The following HPS4 variants were observed in gnomAD, a reference collection of about 807,000 sequenced individuals.
HPS4 encodes HPS4 biogenesis of lysosomal organelles complex 3 subunit 2.
In HPS4, 44 loss-of-function variants were observed where a neutral mutation model predicts 70.3. That is an observed-to-expected ratio of 0.63 (90% CI 0.49 to 0.80). The LOEUF (loss-of-function observed/expected upper bound fraction) is 0.80, where lower values mean the gene tolerates loss of function less well. HPS4 is among the 30% of genes least tolerant of loss of function. The probability of loss-of-function intolerance (pLI) is 0.00; values close to 1 mark genes in which losing one functional copy is unlikely to be tolerated. For synonymous variants in HPS4, 377 were observed against 355.9 expected (o/e 1.06, Z -0.67); for missense variants, 873 against 884.4 (o/e 0.99, Z 0.16).
At chr22:26,455,858 T>A (rs1449436854) in intron 13 of HPS4, among the ~76,000 whole-genome samples, 1 of 151,984 alleles carries the variant, frequency 6.6e-6, no homozygotes, top group Non-Finnish European at 1.5e-5. Context: ...CTAAGGAAGG[T>A]GACATACTGC....
In HPS4 at chr22:26,465,517, A is replaced by C. The variant is rs35126034; in HGVS notation, c.741T>G (p.Pro247=). 6.2e-7 allele frequency: 1 copy of C among 1,614,144 alleles called. No individual in the cohort carries two copies. The highest frequency in any genetic ancestry group is 8.5e-7 in the Non-Finnish European group (1 of 1,179,978). Reference sequence around the variant, plus strand: ...TGGCTTCCTCTTTGGTCACAAAAACAGGGATAATCTGGACATTCGGGGGCA... The same window carrying C: ...TGGCTTCCTCTTTGGTCACAAAAACCGGGATAATCTGGACATTCGGGGGCA... ...AALPPNVQII[P]VFVTKEEAIS... is the part of the protein sequence containing the mutation. The change falls in exon 10 of 14, where the codon CCT becomes CCG. Residue 247 remains proline, a synonymous_variant. Transcript: ENST00000398145.
Position 26,465,781 on chromosome 22 carries a change from T to C in HPS4, c.707-230A>G, listed in dbSNP as rs559169361. 139 of 586,546 alleles carry C rather than the reference T, an allele frequency of 2.4e-4. 1 individual carries two copies. In the Middle Eastern group the frequency reaches 2.7e-3, roughly 11 times the overall value. The allele number at this position is 586,546 out of a possible 1,614,324, so 36.3% of individuals were successfully genotyped here. A position where few individuals can be genotyped will look rare whatever the true frequency, so the allele number is the denominator to read the frequency against. ...GACTCCCAGCTTTGGAGAAGGAAGA[T>C]GTTCGGGAGAGAAAGGTTGAAAAGC... On this transcript the variant is annotated intron_variant, in intron 9 of 13. Coordinates refer to ENST00000398145, the MANE Select transcript of HPS4 (RefSeq NM_022081.6).
chr22:26,463,829 TC>T, intron 11 of HPS4, 87 bp downstream of exon 11: 1 of 1,383,454 alleles, frequency 7.2e-7, no homozygotes. Context: ...CTTTATCTCT[TC>T]CCTGGGTGTT....
chr22:26,458,663 A>C, intron 11 of HPS4, 86 bp from the exon 12 acceptor site: 7 of 1,535,554 alleles, frequency 4.6e-6, no homozygotes, highest in Non-Finnish European at 6.2e-6. Context: ...TTAGTTAAAA[A>C]AAAAATCCTC....
chr22:26,443,661 T>C (rs1601709837), downstream of HPS4: 1 of 149,354 alleles, frequency 6.7e-6, no homozygotes, highest in African/African-American at 2.5e-5. Context: ...ACCAGAGAGC[T>C]AGAGAACTTG....
chr22:26,481,562 G>A lies in HPS4; in HGVS notation c.41+160C>T, dbSNP rs1449104015. Among the ~76,000 whole-genome samples the A allele has an allele frequency of 2.6e-5, 4 of 152,234 alleles. No individual in the cohort carries two copies. The East Asian group carries it at 7.7e-4, about 29-fold the overall frequency. ...GGTTAAAACATGTTAGCTTTGGAGA[G>A]CGATGGCTCACGTGCTTGATTCAGC... On this transcript the variant is annotated intron_variant, in intron 2 of 13. Coordinates refer to ENST00000398145, the MANE Select transcript of HPS4 (RefSeq NM_022081.6).
In HPS4 at chr22:26,482,115, A is replaced by G. The variant is rs550575971; in HGVS notation, c.-353T>C. On this transcript the variant is annotated 5_prime_UTR_variant, in exon 2 of 14. Transcript: ENST00000398145. ...CTTCAAGCTCCTCTCCAGGAAAGCC[A>G]AAAGTGGGAGATGCATGCTAGAGCT... The G allele has an allele frequency of 6.2e-6, 2 of 324,820 alleles. No homozygotes were observed. The highest frequency in any genetic ancestry group is 1.6e-4 in the East Asian group (2 of 12,814). 20.1% of individuals were successfully genotyped at this position (324,820 alleles called of 1,614,324 possible). A position where few individuals can be genotyped will look rare whatever the true frequency, so the allele number is the denominator to read the frequency against.
intron 1 of HPS4, among the ~76,000 whole-genome samples, chr22:26,483,269 C>T (rs1162959961): frequency 6.6e-6 from 1 of 152,186 alleles, no homozygotes; most frequent in African/African-American, 2.4e-5. Flanking sequence ...CCCTACACTA[C>T]CGAGGTCCTC....
chr22:26,479,151 A>C (rs1569128463), intron 3 of HPS4, 114 bp downstream of exon 3: 1 of 993,514 alleles, frequency 1.0e-6, no homozygotes, highest in South Asian at 1.4e-5. Context: ...AGACAGTAGA[A>C]ATGTCATTGT....
intron 11 of HPS4, among the ~76,000 whole-genome samples, chr22:26,460,497 T>G (rs1015666816): frequency 6.6e-6 from 1 of 152,246 alleles, no homozygotes; most frequent in African/African-American, 2.4e-5. Context: ...ATCCCTTCCA[T>G]GCTGAGCTGG....
chr22:26,445,289 G>C (rs948636571), intron 3 of HPS4, among the ~76,000 whole-genome samples: 2 of 152,096 alleles, frequency 1.3e-5, no homozygotes, highest in African/African-American at 2.4e-5. Flanking sequence ...AGCCTAGGTC[G>C]CGCCAGTGCA....
chr22:26,478,649 G>C (rs1248568689), intron 3 of HPS4, among the ~76,000 whole-genome samples: 2 of 150,760 alleles, frequency 1.3e-5, no homozygotes, highest in Non-Finnish European at 2.9e-5. Context: ...CATGATACTT[G>C]CCTCTCTGTT....
chr22:26,457,382 A>C (rs1218847485), intron 13 of HPS4, among the ~76,000 whole-genome samples: 1 of 151,906 alleles, frequency 6.6e-6, no homozygotes, highest in Admixed American at 6.6e-5. Context: ...CTGCCCAGCT[A>C]ATTTTTTGTA....
At position 26,479,274 on chromosome 22, in the gene HPS4, A is replaced by G. The variant is rs754498322; in HGVS notation, c.123T>C (p.Tyr41=). 8 of 1,614,226 alleles carry G rather than the reference A, an allele frequency of 5.0e-6. No homozygotes were observed. Among genetic ancestry groups the G allele is most frequent in the Non-Finnish European group, 6.8e-6 (8 of 1,180,044 alleles). ...ATGCTGTGTGGCTTACCTGGGAAGG[A>G]TAAAAGTAACAAATGCCAGCTCTTG... ...DPTRAGICYF[Y]PSQTLLDQQE... The change falls in exon 3 of 14, where the codon TAT becomes TAC. Residue 41 remains tyrosine, a synonymous_variant. Coordinates refer to ENST00000398145, the MANE Select transcript of HPS4 (RefSeq NM_022081.6).
chr22:26,466,178 A>C (rs2088562754), intron 9 of HPS4, 48 bp downstream of exon 9: 1 of 1,613,164 alleles, frequency 6.2e-7, no homozygotes, highest in Non-Finnish European at 8.5e-7. Flanking sequence ...GGTAGGTAGC[A>C]TAAAAGACCG....
rs886057307 is a variant in HPS4 at position 26,452,004 on chromosome 22, G to GCGCGCGCGCGCGCA, written c.*1228_*1229insTGCGCGCGCGCGCG. The GCGCGCGCGCGCGCA allele has an allele frequency of 9.5e-6, 1 of 105,716 alleles. No individual in the cohort carries two copies. Among genetic ancestry groups the GCGCGCGCGCGCGCA allele is most frequent in the African/African-American group, 4.6e-5 (1 of 21,956 alleles). 6.5% of individuals were successfully genotyped at this position (105,716 alleles called of 1,614,324 possible). ...CCACGTTACGCGCGCGCGCGCGCGC[G>GCGCGCGCGCGCGCA]CACACACACACACACACACACACAC... On this transcript the variant is annotated 3_prime_UTR_variant, in exon 14 of 14. Coordinates refer to ENST00000398145, the MANE Select transcript of HPS4 (RefSeq NM_022081.6).
downstream of HPS4, among the ~76,000 whole-genome samples, chr22:26,449,892 G>A (rs910295088): frequency 3.9e-5 from 6 of 152,154 alleles, no homozygotes; most frequent in Non-Finnish European, 7.3e-5. Context: ...TCAGTTTCAC[G>A]GGACCGAATT....
At chr22:26,469,667 A>G (rs1475549504) in intron 7 of HPS4, among the ~76,000 whole-genome samples, 1 of 150,472 alleles carries the variant, frequency 6.6e-6, no homozygotes, top group Non-Finnish European at 1.5e-5. Context: ...CCTGGGCAAC[A>G]TAGCAAGACC....
intron 11 of HPS4, among the ~76,000 whole-genome samples, chr22:26,460,573 C>A (rs1277470503): frequency 6.6e-6 from 1 of 152,200 alleles, no homozygotes; most frequent in East Asian, 1.9e-4. Flanking sequence ...CCCACAGGCA[C>A]GGAGCTTTGC....
Sources: allele counts gnomAD v4.1 joint callset (sites outside exome capture counted in the v4.1 genomes callset), GRCh38; gene constraint gnomAD v4.1.1; transcripts MANE v1.5; gene names NCBI Gene and HGNC (gene_info 2026-07-23, HGNC 2026-07-21).